Variants in CXorf58 observed in about 807,000 individuals in gnomAD.
CXorf58 encodes uncharacterized protein CXorf58.
CXorf58 carries 24 observed loss-of-function variants against 26.0 expected under a neutral mutation model. The ratio of observed to expected loss-of-function variants is 0.92; its 90% CI spans 0.67 to 1.30. The LOEUF is 1.30. Ranked by LOEUF, CXorf58 falls within the 50% of genes most tolerant of loss-of-function variation. The probability of loss-of-function intolerance (pLI) is 0.00; values close to 1 mark genes in which losing one functional copy is unlikely to be tolerated. For synonymous variants in CXorf58, 87 were observed against 86.1 expected (o/e 1.01, Z -0.06); for missense variants, 236 against 263.9 (o/e 0.89, Z 0.73).
chrX:23,914,513 C>T (rs890246318), intron 3 of CXorf58, among the ~76,000 whole-genome samples: 1 of 112,301 alleles, frequency 8.9e-6, no homozygotes, highest in African/African-American at 3.2e-5. Flanking sequence ...CTTCCCCATT[C>T]ACTACCTGTA....
chrX:23,925,786 CTTTTTTTT>C, intron 5 of CXorf58, among the ~76,000 whole-genome samples: 1 of 71,756 alleles, frequency 1.4e-5, no homozygotes, highest in African/African-American at 6.5e-5. Flanking sequence ...CTTTTCTTTT[CTTTTTTTT>C]TTTTTTTTTT....
chrX:23,927,251 G>A lies in CXorf58; in HGVS notation c.436G>A (p.Ala146Thr). Residue 146 changes from alanine to threonine, a missense_variant, in exon 6 of 9, where the codon GCT becomes ACT. Ala to Thr is a moderately conservative substitution (Grantham distance 58). Coordinates refer to ENST00000379211, the MANE Select transcript of CXorf58 (RefSeq NM_152761.3). ...LMPSSKAVDD[A>T]CKLMGERKFH... ...ATTCTTTTTACAGGCAGTGGATGAT[G>A]CTTGCAAACTAATGGGGGAAAGGAA... is the stretch of plus-strand genomic sequence containing the variant. 1 of 1,157,577 alleles carries A rather than the reference G, an allele frequency of 8.6e-7. No individual in the cohort carries two copies. The highest frequency in any genetic ancestry group is 1.2e-6 in the Non-Finnish European group (1 of 863,977).
At chrX:23,912,857 A>T (rs1359097328) in intron 3 of CXorf58, among the ~76,000 whole-genome samples, 2 of 112,206 alleles carry the variant, frequency 1.8e-5, no homozygotes, top group African/African-American at 3.2e-5. Context: ...GTAACAGCAA[A>T]GGGAGTAAAC....
intron 5 of CXorf58, among the ~76,000 whole-genome samples, chrX:23,925,310 C>G (rs746065017): frequency 1.8e-5 from 2 of 108,911 alleles, no homozygotes; most frequent in Non-Finnish European, 3.8e-5. Context: ...CAGTGATTCT[C>G]AGTTTTGATC....
intron 5 of CXorf58, among the ~76,000 whole-genome samples, chrX:23,917,334 C>CAAAA (rs1188697974): frequency 1.1e-5 from 1 of 88,295 alleles, no homozygotes; most frequent in Non-Finnish European, 2.2e-5. Flanking sequence ...GATTCTATCT[C>CAAAA]AAAAAAAAAA....
intron 5 of CXorf58, among the ~76,000 whole-genome samples, chrX:23,922,128 AC>A (rs1447557411): frequency 9.0e-6 from 1 of 110,593 alleles, no homozygotes; most frequent in Non-Finnish European, 1.9e-5. Flanking sequence ...TAATCCTAAC[AC>A]TTTGGGAGGC....
intron 3 of CXorf58, among the ~76,000 whole-genome samples, chrX:23,913,484 C>T (rs1395319056): frequency 1.8e-5 from 2 of 110,672 alleles, no homozygotes; most frequent in East Asian, 2.8e-4. Flanking sequence ...CCACCACACC[C>T]GGCCAATTAG....
chrX:23,925,581 C>T (rs1927984805), intron 5 of CXorf58, among the ~76,000 whole-genome samples: 1 of 109,028 alleles, frequency 9.2e-6, no homozygotes, highest in African/African-American at 3.3e-5. Flanking sequence ...CTCCTGACCT[C>T]AGGCGATCCG....
chrX:23,914,081 A>C (rs887501251), intron 3 of CXorf58, among the ~76,000 whole-genome samples: 4 of 110,660 alleles, frequency 3.6e-5, no homozygotes, highest in Non-Finnish European at 7.6e-5. Context: ...TGTCCTTTTA[A>C]AAGCTATTTA....
At chrX:23,919,948 T>C in intron 5 of CXorf58, among the ~76,000 whole-genome samples, 1 of 112,960 alleles carries the variant, frequency 8.9e-6, no homozygotes, top group Non-Finnish European at 1.9e-5. Context: ...TCCGGAAGAA[T>C]TCCCTGGATT....
chrX:23,926,386 G>C lies in CXorf58; in HGVS notation c.424-853G>C, dbSNP rs188302096. ...GCATAAAATGTTGACATTTGGGAGA[G>C]AAAAGAAAACCCCTCTATTTGCCAC... On this transcript the variant is annotated intron_variant, in intron 5 of 8. Transcript: ENST00000379211. Among the ~76,000 whole-genome samples, 19 of 111,097 alleles carry C rather than the reference G, an allele frequency of 1.7e-4. No homozygotes were observed. In the Admixed American group the frequency reaches 1.8e-3, roughly 11 times the overall value.
chrX:23,926,094 T>G (rs1184471997), intron 5 of CXorf58, among the ~76,000 whole-genome samples: 1 of 110,555 alleles, frequency 9.0e-6, no homozygotes, highest in African/African-American at 3.3e-5. Flanking sequence ...CGCCCTGAAT[T>G]TTCTTTTGTG....
At chrX:23,917,508 G>A (rs1409986041) in intron 5 of CXorf58, among the ~76,000 whole-genome samples, 2 of 107,863 alleles carry the variant, frequency 1.9e-5, no homozygotes, top group African/African-American at 3.4e-5. Flanking sequence ...ACCTCCACCT[G>A]CCAGGCTCAA....
chrX:23,924,614 C>A (rs1422887675), intron 5 of CXorf58, among the ~76,000 whole-genome samples: 1 of 104,884 alleles, frequency 9.5e-6, no homozygotes, highest in Admixed American at 1.1e-4. Context: ...TGAGCTACTA[C>A]ACCCGGCCTA....
At chrX:23,925,357 T>A (rs1927976490) in intron 5 of CXorf58, among the ~76,000 whole-genome samples, 1 of 104,370 alleles carries the variant, frequency 9.6e-6, no homozygotes, top group African/African-American at 3.5e-5. Flanking sequence ...TTTTTTTTTT[T>A]TTTTTTTTGA....
At chrX:23,919,601 C>T (rs1223965146) in intron 5 of CXorf58, among the ~76,000 whole-genome samples, 1 of 112,332 alleles carries the variant, frequency 8.9e-6, no homozygotes, top group Non-Finnish European at 1.9e-5. Flanking sequence ...TGAAAGGTTA[C>T]ATACCTCTGT....
intron 5 of CXorf58, 122 bp downstream of exon 5, chrX:23,916,450 A>G (rs1461713665): frequency 3.6e-6 from 1 of 279,573 alleles, no homozygotes; most frequent in African/African-American, 3.2e-5. Flanking sequence ...CCAGGTAGGT[A>G]GTGTGTTTTT....
At chrX:23,938,746 ACTGT>A (rs764809590) in intron 8 of CXorf58, 46 bp downstream of exon 8, 13 of 946,105 alleles carry the variant, frequency 1.4e-5, no homozygotes, top group Non-Finnish European at 1.9e-5. Context: ...CAATATTCAA[ACTGT>A]CTGTAAAGTA....
chrX:23,938,253 A>G (rs1268273357), intron 7 of CXorf58, among the ~76,000 whole-genome samples: 1 of 111,607 alleles, frequency 9.0e-6, no homozygotes, highest in Non-Finnish European at 1.9e-5. Flanking sequence ...GCTACTACAC[A>G]GTATTTTCTA....
Sources: gnomAD v4.1 joint callset for allele counts (sites outside exome capture counted in the v4.1 genomes callset) on GRCh38, gnomAD v4.1.1 for gene constraint, MANE v1.5 for transcripts, NCBI Gene and HGNC (gene_info 2026-07-23, HGNC 2026-07-21) for gene names.